The following FYN variants were observed in gnomAD, a reference collection of about 807,000 sequenced individuals.
The protein encoded by FYN is tyrosine-protein kinase Fyn.
In FYN, 10 loss-of-function variants were observed where a neutral mutation model predicts 70.2. That is an observed-to-expected ratio of 0.14 (90% CI 0.09 to 0.24). The LOEUF (loss-of-function observed/expected upper bound fraction) is 0.24. FYN is among the 10% of genes least tolerant of loss of function. FYN has a pLI of 1.00. For missense variants in FYN, 319 were observed against 673.1 expected, an observed-to-expected ratio of 0.47 and a Z score of 5.82; for synonymous variants, 236 against 248.6, an observed-to-expected ratio of 0.95 and a Z score of 0.48.
chr6:111,753,435 A>G (rs1247564071), intron 3 of FYN, among the ~76,000 whole-genome samples: 1 of 152,214 alleles, frequency 6.6e-6, no homozygotes, highest in Non-Finnish European at 1.5e-5. Flanking sequence ...GAGGCCTAAA[A>G]TGGGGCTCTG....
chr6:111,855,934 CTGA>C (rs1259210376), intron 1 of FYN, among the ~76,000 whole-genome samples: 1 of 152,176 alleles, frequency 6.6e-6, no homozygotes, highest in Non-Finnish European at 1.5e-5. Flanking sequence ...AAATTCTGTT[CTGA>C]TGTTTTGTAA....
intron 5 of FYN, among the ~76,000 whole-genome samples, chr6:111,712,106 G>A (rs966135148): frequency 6.6e-6 from 1 of 152,144 alleles, no homozygotes; most frequent in Non-Finnish European, 1.5e-5. Flanking sequence ...ACTGCAGATC[G>A]TTTCCAGATT....
At chr6:111,716,411 G>A (rs1320264681) in intron 4 of FYN, among the ~76,000 whole-genome samples, 2 of 151,988 alleles carry the variant, frequency 1.3e-5, no homozygotes, top group African/African-American at 4.8e-5. Context: ...TAAAAGTCAC[G>A]GTATCACTGG....
At chr6:111,754,814 T>G (rs1802646601) in intron 3 of FYN, 1 of 152,094 alleles carries the variant, frequency 6.6e-6, no homozygotes, top group African/African-American at 2.4e-5. Context: ...ACAACCTGAG[T>G]GTGTGTGTAT....
intron 3 of FYN, among the ~76,000 whole-genome samples, chr6:111,726,571 C>G (rs2128467279): frequency 6.6e-6 from 1 of 152,306 alleles, no homozygotes; most frequent in Admixed American, 6.5e-5. Flanking sequence ...CACACAGAGT[C>G]TCTATACTAG....
intron 1 of FYN, among the ~76,000 whole-genome samples, chr6:111,869,839 G>A (rs1358314214): frequency 4.6e-5 from 7 of 152,220 alleles, no homozygotes; most frequent in Admixed American, 2.6e-4. Flanking sequence ...TATCACATGG[G>A]ATTATTGAGT....
At chr6:111,850,385 C>T (rs1773651579) in intron 1 of FYN, among the ~76,000 whole-genome samples, 1 of 152,230 alleles carries the variant, frequency 6.6e-6, no homozygotes, top group Non-Finnish European at 1.5e-5. Flanking sequence ...CTAGACACAT[C>T]TTCACAGATT....
At chr6:111,765,936 T>C (rs1803213973) in intron 3 of FYN, among the ~76,000 whole-genome samples, 3 of 152,076 alleles carry the variant, frequency 2.0e-5, no homozygotes, top group African/African-American at 2.4e-5. Flanking sequence ...AAGAGTTAGA[T>C]GTGTTAAAGA....
At chr6:111,731,468 T>C (rs1801447308) in intron 3 of FYN, among the ~76,000 whole-genome samples, 1 of 152,216 alleles carries the variant, frequency 6.6e-6, no homozygotes, top group Admixed American at 6.5e-5. Flanking sequence ...CCACTTGCAC[T>C]GTGTTTTTGG....
chr6:111,842,277 G>A (rs924460578), intron 2 of FYN, among the ~76,000 whole-genome samples: 1 of 152,094 alleles, frequency 6.6e-6, no homozygotes, highest in South Asian at 2.1e-4. Context: ...TATCAGGGAG[G>A]GCCTGAGGAA....
intron 3 of FYN, chr6:111,759,969 G>A (rs1301137339): frequency 6.6e-6 from 1 of 151,976 alleles, no homozygotes; most frequent in Non-Finnish European, 1.5e-5. Context: ...GACTCTAGCA[G>A]ACTGAGTACA....
chr6:111,784,500 AT>A (rs1771293613), intron 2 of FYN, among the ~76,000 whole-genome samples: 1 of 152,208 alleles, frequency 6.6e-6, no homozygotes, highest in African/African-American at 2.4e-5. Context: ...ACATTTGCAC[AT>A]TTCCAACAGC....
intron 3 of FYN, among the ~76,000 whole-genome samples, chr6:111,766,755 G>A (rs1216401809): frequency 1.3e-5 from 2 of 152,106 alleles, no homozygotes; most frequent in Non-Finnish European, 2.9e-5. Context: ...TTACTATCAC[G>A]AAAACAGCAG....
intron 1 of FYN, among the ~76,000 whole-genome samples, chr6:111,862,894 G>C (rs1212762675): frequency 6.6e-6 from 1 of 152,160 alleles, no homozygotes; most frequent in Non-Finnish European, 1.5e-5. Flanking sequence ...GAAGGACGGG[G>C]GATTCCGGGA....
intron 2 of FYN, among the ~76,000 whole-genome samples, chr6:111,823,569 T>C (rs1772741044): frequency 6.6e-6 from 1 of 152,192 alleles, no homozygotes; most frequent in South Asian, 2.1e-4. Flanking sequence ...AGGGCCAAGA[T>C]CTAAGGGATA....
chr6:111,754,381 C>T (rs1460880765), intron 3 of FYN: 1 of 152,154 alleles, frequency 6.6e-6, no homozygotes, highest in African/African-American at 2.4e-5. Context: ...CTTTTACTAC[C>T]TTTCTTCAAT....
chr6:111,838,437 T>C (rs1773255756), intron 2 of FYN, among the ~76,000 whole-genome samples: 1 of 152,186 alleles, frequency 6.6e-6, no homozygotes, highest in Admixed American at 6.5e-5. Context: ...CCAAGCAAGA[T>C]GGGAAACCCT....
intron 12 of FYN, among the ~76,000 whole-genome samples, chr6:111,688,552 A>C (rs1475829156): frequency 6.6e-6 from 1 of 152,180 alleles, no homozygotes; most frequent in Non-Finnish European, 1.5e-5. Context: ...CTTTAAACTA[A>C]ATCACTTCTA....
intron 13 of FYN, among the ~76,000 whole-genome samples, chr6:111,668,351 C>G (rs942838983): frequency 3.9e-5 from 6 of 152,150 alleles, no homozygotes; most frequent in African/African-American, 1.4e-4. Flanking sequence ...TTTCTCTTTC[C>G]TCATCTTGCC....
Sources: gnomAD v4.1 joint callset for allele counts (sites outside exome capture counted in the v4.1 genomes callset) on GRCh38, gnomAD v4.1.1 for gene constraint, MANE v1.5 for transcripts, NCBI Gene and HGNC (gene_info 2026-07-23, HGNC 2026-07-21) for gene names.